The following FMNL2 variants were observed in gnomAD, a reference collection of about 807,000 sequenced individuals.
FMNL2 encodes formin-like protein 2.
Under a neutral mutation model 130.2 loss-of-function variants are expected in FMNL2, and 51 were observed. The ratio of observed to expected loss-of-function variants is 0.39; its 90% CI spans 0.31 to 0.49. The LOEUF (loss-of-function observed/expected upper bound fraction) is 0.49. FMNL2 is among the 20% of genes least tolerant of loss of function. The pLI, the probability that FMNL2 is intolerant of heterozygous loss-of-function variation, is 0.85. For synonymous variants in FMNL2, 465 were observed against 467.1 expected (o/e 1.00, Z 0.06); for missense variants, 977 against 1,316.2 (o/e 0.74, Z 3.99).
chr2:152,356,138 A>G (rs1186578131), intron 1 of FMNL2, among the ~76,000 whole-genome samples: 1 of 152,064 alleles, frequency 6.6e-6, no homozygotes, highest in Non-Finnish European at 1.5e-5. Flanking sequence ...CATTTATTTT[A>G]TTTTGTTTAT....
chr2:152,338,112 T>C (rs1013761028), intron 1 of FMNL2, among the ~76,000 whole-genome samples: 5 of 151,968 alleles, frequency 3.3e-5, no homozygotes, highest in African/African-American at 1.2e-4. Context: ...AACCATTTAA[T>C]TGTGGACATC....
intron 1 of FMNL2, among the ~76,000 whole-genome samples, chr2:152,399,215 T>C (rs1053065227): frequency 3.3e-5 from 5 of 152,176 alleles, no homozygotes; most frequent in African/African-American, 1.2e-4. Context: ...TGGTGGAGGC[T>C]GAACATTGAT....
chr2:152,622,943 C>T (rs1681463496), intron 15 of FMNL2, among the ~76,000 whole-genome samples: 2 of 151,996 alleles, frequency 1.3e-5, no homozygotes, highest in Admixed American at 1.3e-4. Context: ...TGGCCCACTC[C>T]AGGGAGCACT....
chr2:152,572,622 C>CA (rs34579070), intron 6 of FMNL2, among the ~76,000 whole-genome samples: 3 of 151,184 alleles, frequency 2.0e-5, no homozygotes, highest in East Asian at 3.9e-4. Context: ...CCTGTCTCTA[C>CA]AAAAAAAAAT....
chr2:152,444,696 G>A (rs1688245225), intron 1 of FMNL2, among the ~76,000 whole-genome samples: 2 of 152,158 alleles, frequency 1.3e-5, no homozygotes, highest in Admixed American at 6.5e-5. Flanking sequence ...AAAAGGCCCT[G>A]TATGATTTTA....
In FMNL2 at chr2:152,640,833, G is replaced by A. The variant is rs541645454; in HGVS notation, c.3088G>A (p.Ala1030Thr). Residue 1030 changes from alanine (A) to threonine (T), a missense_variant, in exon 25 of 26, where the codon GCA becomes ACA. Around this residue, in one of 4 missense-constraint regions of FMNL2, gnomAD observed 168 missense variants for 168.8 expected, o/e 1.00. Transcript: ENST00000288670. ...AAAGAGGCAGCAGCAAGAGTTAATT[G>A]CAGAATTAAGAAGACGACAAGTTAA... is the stretch of plus-strand genomic sequence containing the variant. ...KSKRQQQELI[A>T]ELRRRQVKDN... The A allele has an allele frequency of 5.0e-6, 8 of 1,613,800 alleles. No homozygotes were observed. The highest frequency in any genetic ancestry group is 1.1e-5 in the South Asian group (1 of 91,070).
intron 1 of FMNL2, among the ~76,000 whole-genome samples, chr2:152,448,714 CA>C (rs1688483676): frequency 6.6e-6 from 1 of 152,186 alleles, no homozygotes; most frequent in Admixed American, 6.5e-5. Context: ...AGCCTTGCAC[CA>C]TTTTCAGCAT....
chr2:152,574,135 C>A (rs994950244), intron 6 of FMNL2, among the ~76,000 whole-genome samples: 3 of 152,130 alleles, frequency 2.0e-5, no homozygotes, highest in Non-Finnish European at 4.4e-5. Context: ...TTACTTTACA[C>A]CTCTTAAGAA....
In FMNL2 at chr2:152,446,163, G is replaced by C. The variant is rs143662822; in HGVS notation, c.118-75780G>C. 3.7e-4 allele frequency among the ~76,000 whole-genome samples: 57 copies of C among 152,262 alleles called. No individual in the cohort carries two copies. In the East Asian group the frequency reaches 8.9e-3, roughly 24 times the overall value. ...CTTGGCATTATAGTCAGTGATTTCT[G>C]TGTCCATGCTGGCTAGCCTGGGCTC... On this transcript the variant is annotated intron_variant, in intron 1 of 25. Coordinates refer to ENST00000288670, the MANE Select transcript of FMNL2 (RefSeq NM_052905.4).
intron 4 of FMNL2, among the ~76,000 whole-genome samples, chr2:152,557,747 T>C (rs1205476862): frequency 2.6e-5 from 4 of 152,248 alleles, no homozygotes; most frequent in Non-Finnish European, 5.9e-5. Flanking sequence ...ATAGTCACTA[T>C]CATGTCCATA....
intron 1 of FMNL2, among the ~76,000 whole-genome samples, chr2:152,504,840 G>A (rs1284752493): frequency 6.6e-6 from 1 of 152,092 alleles, no homozygotes; most frequent in Non-Finnish European, 1.5e-5. Flanking sequence ...GCATATCTGT[G>A]TATTAATACT....
chr2:152,481,613 GACAGCC>G (rs753682684), intron 1 of FMNL2, among the ~76,000 whole-genome samples: 39 of 152,284 alleles, frequency 2.6e-4, no homozygotes, highest in Admixed American at 9.8e-4. Flanking sequence ...AGTCAGAATT[GACAGCC>G]ACAGCTACAG....
intron 1 of FMNL2, among the ~76,000 whole-genome samples, chr2:152,517,932 T>A (rs2105385625): frequency 6.6e-6 from 1 of 152,214 alleles, no homozygotes; most frequent in South Asian, 2.1e-4. Flanking sequence ...TAAGAGTGGG[T>A]GAGGTAGAGT....
chr2:152,408,395 G>A (rs1049866111), intron 1 of FMNL2, among the ~76,000 whole-genome samples: 1 of 152,130 alleles, frequency 6.6e-6, no homozygotes, highest in Non-Finnish European at 1.5e-5. Flanking sequence ...TGCATTTAAA[G>A]CTTCCAGGGA....
chr2:152,343,008 A>G (rs542742970), intron 1 of FMNL2, among the ~76,000 whole-genome samples: 1 of 152,344 alleles, frequency 6.6e-6, no homozygotes, highest in African/African-American at 2.4e-5. Context: ...AGTCTTGTAT[A>G]GTTTCTAGGA....
At chr2:152,552,117 C>A (rs1003795311) in intron 4 of FMNL2, among the ~76,000 whole-genome samples, 1 of 152,158 alleles carries the variant, frequency 6.6e-6, no homozygotes, top group Non-Finnish European at 1.5e-5. Context: ...GTTAAATTCT[C>A]ATTGATAAAA....
chr2:152,458,021 C>T (rs2105108005), intron 1 of FMNL2, among the ~76,000 whole-genome samples: 1 of 152,278 alleles, frequency 6.6e-6, no homozygotes. Flanking sequence ...GATAATCTCA[C>T]TTTCACAAGG....
chr2:152,598,270 G>A (rs1697870279), intron 9 of FMNL2, among the ~76,000 whole-genome samples: 1 of 152,208 alleles, frequency 6.6e-6, no homozygotes, highest in South Asian at 2.1e-4. Flanking sequence ...GGATGAAGCT[G>A]TGAAGAGAAA....
intron 9 of FMNL2, among the ~76,000 whole-genome samples, chr2:152,581,342 A>G (rs1455672476): frequency 5.9e-5 from 9 of 152,204 alleles, no homozygotes; most frequent in African/African-American, 2.2e-4. Flanking sequence ...TGTTACATGT[A>G]TGTGGTTTTC....
Sources: gnomAD v4.1 joint callset for allele counts (sites outside exome capture counted in the v4.1 genomes callset) on GRCh38, gnomAD v4.1.1 for gene constraint, gnomAD v4.1.1 regional missense constraint, MANE v1.5 for transcripts, NCBI Gene and HGNC (gene_info 2026-07-23, HGNC 2026-07-21) for gene names.